PRKD1: variants seen among roughly 807,000 people sequenced by gnomAD.
The protein encoded by PRKD1 is serine/threonine-protein kinase D1.
A neutral mutation model predicts 95.9 loss-of-function variants in PRKD1; 63 were observed. The ratio of observed to expected loss-of-function variants is 0.66; its 90% CI spans 0.54 to 0.81. The LOEUF is 0.81. Ranked by LOEUF, PRKD1 falls within the 30% of genes least tolerant of loss-of-function variation. The pLI, the probability that PRKD1 is intolerant of heterozygous loss-of-function variation, is 0.00. For synonymous variants in PRKD1, 425 were observed against 423.1 expected, an observed-to-expected ratio of 1.00 and a Z score of -0.05; for missense variants, 1,048 against 1,165.3, an observed-to-expected ratio of 0.90 and a Z score of 1.47.
intron 1 of PRKD1, among the ~76,000 whole-genome samples, chr14:29,907,821 G>GT (rs146390352): frequency 2.0e-5 from 3 of 152,066 alleles, no homozygotes; most frequent in African/African-American, 7.2e-5. Context: ...ATAAAATGGA[G>GT]TTTTTTACTA....
intron 1 of PRKD1, among the ~76,000 whole-genome samples, chr14:29,771,282 A>T (rs374320362): frequency 2.6e-5 from 4 of 152,140 alleles, no homozygotes; most frequent in Admixed American, 2.6e-4. Flanking sequence ...TTTGGAGAGC[A>T]CTGGGCTGCC....
chr14:29,657,846 G>C (rs1217021331), intron 4 of PRKD1: 1 of 152,202 alleles, frequency 6.6e-6, no homozygotes, highest in Non-Finnish European at 1.5e-5. Context: ...CAGCCTGTGT[G>C]ACAGAGCAAG....
At chr14:29,699,802 A>T (rs1413010957) in intron 2 of PRKD1, among the ~76,000 whole-genome samples, 3 of 152,162 alleles carry the variant, frequency 2.0e-5, no homozygotes, top group Non-Finnish European at 4.4e-5. Flanking sequence ...ACTGATTCAA[A>T]GTGACACTGC....
chr14:29,810,805 C>G (rs1378513675), intron 1 of PRKD1, among the ~76,000 whole-genome samples: 1 of 152,238 alleles, frequency 6.6e-6, no homozygotes, highest in East Asian at 1.9e-4. Context: ...TGTATTTCAG[C>G]ACCTAGTAGT....
rs950549738 is a variant in PRKD1 at position 29,870,489 on chromosome 14, G to C, written c.264+56760C>G. On this transcript the variant is annotated intron_variant, in intron 1 of 17. Coordinates refer to ENST00000331968, the MANE Select transcript of PRKD1 (RefSeq NM_002742.3). ...TGCTAATCAATTTCAGCTCAAAATA[G>C]ATTGAAACACCCAACAGATTGCTGC... is the stretch of plus-strand genomic sequence containing the variant. Among the ~76,000 whole-genome samples the C allele has an allele frequency of 2.0e-5, 3 of 152,144 alleles. No individual in the cohort carries two copies. The South Asian group carries it at 6.2e-4, about 32-fold the overall frequency.
At position 29,734,028 on chromosome 14, in the gene PRKD1, C is replaced by CTTT. The variant is rs58908662; in HGVS notation, c.265-8357_265-8355dup. On this transcript the variant is annotated intron_variant, in intron 1 of 17. Transcript: ENST00000331968. ...CTGGTTTTGAGTCATACTTTCCTGC[C>CTTT]TTTTTTTTTTTTTTTTTTTTTTTTT... 1.4e-3 allele frequency among the ~76,000 whole-genome samples: 93 copies of CTTT among 64,672 alleles called. 8 individuals carry two copies. Among genetic ancestry groups the CTTT allele is most frequent in the African/African-American group, 2.5e-3 (32 of 12,728 alleles). The allele number at this position is 64,672 out of a possible 152,430, so 42.4% of individuals were successfully genotyped here. A position where few individuals can be genotyped will look rare whatever the true frequency, so the allele number is the denominator to read the frequency against.
intron 13 of PRKD1, among the ~76,000 whole-genome samples, chr14:29,620,169 T>C (rs980604603): frequency 2.7e-5 from 4 of 149,580 alleles, no homozygotes; most frequent in East Asian, 4.0e-4. Flanking sequence ...ATACAAAAAT[T>C]AATTCAAGAT....
intron 2 of PRKD1, among the ~76,000 whole-genome samples, chr14:29,682,026 T>C (rs8013478): frequency 0.07 from 10,585 of 152,196 alleles, 942 homozygotes; most frequent in African/African-American, 0.21. Flanking sequence ...GTACACTGCA[T>C]CCAAAGATAA....
At chr14:29,855,736 G>A (rs1892474370) in intron 1 of PRKD1, among the ~76,000 whole-genome samples, 1 of 152,112 alleles carries the variant, frequency 6.6e-6, no homozygotes, top group Non-Finnish European at 1.5e-5. Flanking sequence ...GGAGACTGTT[G>A]AATCATGAGG....
chr14:29,854,975 G>C (rs186063084), intron 1 of PRKD1, among the ~76,000 whole-genome samples: 1 of 152,200 alleles, frequency 6.6e-6, no homozygotes, highest in East Asian at 1.9e-4. Context: ...GGGAACCTCC[G>C]CCTAGATTTC....
At position 29,636,548 on chromosome 14, in the gene PRKD1, T is replaced by G. The variant is rs548868320; in HGVS notation, c.986-54A>C. On this transcript the variant is annotated intron_variant, in intron 6 of 17. Transcript: ENST00000331968. ...AAGCCTGGAATCTTGGAGCCAGGGC[T>G]TAAGAGACAGTCAGGTGATCCTAAA... is the stretch of plus-strand genomic sequence containing the variant. 7.6e-6 allele frequency: 12 copies of G among 1,574,574 alleles called. No homozygotes were observed. The South Asian group carries it at 1.1e-4, about 15-fold the overall frequency.
chr14:29,634,756 G>A lies in PRKD1; in HGVS notation c.1191-215C>T, dbSNP rs539795073. ...TTGTACACCTTAAAAAATCCTGGCC[G>A]GGTGCAGTGACTCACATCTGTAATC... is the stretch of plus-strand genomic sequence containing the variant. On this transcript the variant is annotated intron_variant, in intron 7 of 17. Transcript: ENST00000331968. 2.6e-5 allele frequency among the ~76,000 whole-genome samples: 4 copies of A among 152,112 alleles called. 1 individual carries two copies. In the South Asian group the frequency reaches 6.2e-4, roughly 24 times the overall value.
At chr14:29,636,538 G>A (rs1300288145) in intron 6 of PRKD1, 44 bp from the exon 7 acceptor site, 2 of 1,598,378 alleles carry the variant, frequency 1.3e-6, no homozygotes, top group Non-Finnish European at 8.6e-7. Flanking sequence ...TGGAATCTTG[G>A]AGCCAGGGCT....
chr14:29,807,699 A>T (rs1453632636), intron 1 of PRKD1, among the ~76,000 whole-genome samples: 1 of 150,912 alleles, frequency 6.6e-6, no homozygotes, highest in Admixed American at 6.6e-5. Context: ...TACCAGCCCA[A>T]TTTCTTTTCT....
chr14:29,741,645 A>G (rs1354484930), intron 1 of PRKD1, among the ~76,000 whole-genome samples: 7 of 152,046 alleles, frequency 4.6e-5, no homozygotes, highest in Non-Finnish European at 8.8e-5. Context: ...ATGCACACTC[A>G]GTGGTCTGCA....
Position 29,826,758 on chromosome 14 carries a change from C to T in PRKD1, c.264+100491G>A, listed in dbSNP as rs8016869. Among the ~76,000 whole-genome samples the T allele has an allele frequency of 1.0e-3, 41 of 40,016 alleles. 5 individuals carry two copies. In the South Asian group the frequency reaches 0.024, roughly 23 times the overall value. 26.3% of individuals were successfully genotyped at this position (40,016 alleles called of 152,430 possible). A position where few individuals can be genotyped will look rare whatever the true frequency, so the allele number is the denominator to read the frequency against. On this transcript the variant is annotated intron_variant, in intron 1 of 17. Transcript: ENST00000331968. Reference sequence around the variant, plus strand: ...ACATATATATACACATATATATATACATATATATATACACATATATATACA... The same window carrying T: ...ACATATATATACACATATATATATATATATATATATACACATATATATACA...
intron 14 of PRKD1, 67 bp downstream of exon 14, chr14:29,599,589 G>T: frequency 1.4e-6 from 2 of 1,452,980 alleles, no homozygotes; most frequent in South Asian, 1.3e-5. Flanking sequence ...CTAGAAAGCT[G>T]TAGTTAAACA....
chr14:29,592,512 T>C (rs1015066998), intron 16 of PRKD1, among the ~76,000 whole-genome samples: 9 of 152,320 alleles, frequency 5.9e-5, no homozygotes, highest in Admixed American at 5.9e-4. Context: ...TTATAATCTT[T>C]ATACACAATT....
intron 1 of PRKD1, among the ~76,000 whole-genome samples, chr14:29,859,242 C>T (rs1295625001): frequency 1.3e-5 from 2 of 152,020 alleles, no homozygotes; most frequent in Admixed American, 1.3e-4. Context: ...GAGGCCGAGG[C>T]GGGTGGATCA....
Sources: allele counts gnomAD v4.1 joint callset (sites outside exome capture counted in the v4.1 genomes callset), GRCh38; gene constraint gnomAD v4.1.1; transcripts MANE v1.5; gene names NCBI Gene and HGNC (gene_info 2026-07-23, HGNC 2026-07-21).